The following DTNB variants were observed in gnomAD, a reference collection of about 807,000 sequenced individuals.
DTNB encodes DTN-B.
A neutral mutation model predicts 90.7 loss-of-function variants in DTNB; 63 were observed. The ratio of observed to expected loss-of-function variants is 0.69; its 90% CI spans 0.57 to 0.86. DTNB has a LOEUF of 0.86. DTNB is among the 40% of genes least tolerant of loss of function. DTNB has a pLI of 0.00. For synonymous variants in DTNB, 277 were observed against 286.7 expected (o/e 0.97, Z 0.34); for missense variants, 744 against 807.1 (o/e 0.92, Z 0.95).
At chr2:25,567,158 TAAA>T (rs964867407) in intron 8 of DTNB, among the ~76,000 whole-genome samples, 9 of 151,740 alleles carry the variant, frequency 5.9e-5, no homozygotes, top group Non-Finnish European at 1.5e-5. Flanking sequence ...TCTTATAAGT[TAAA>T]AAAAAATTGT....
At chr2:25,629,259 A>C (rs2075157597) in intron 3 of DTNB, among the ~76,000 whole-genome samples, 1 of 152,232 alleles carries the variant, frequency 6.6e-6, no homozygotes, top group African/African-American at 2.4e-5. Flanking sequence ...AAGGTTCAAT[A>C]AAGACATTTT....
chr2:25,508,833 C>T (rs2073214690), intron 9 of DTNB, among the ~76,000 whole-genome samples: 1 of 152,154 alleles, frequency 6.6e-6, no homozygotes, highest in Admixed American at 6.5e-5. Flanking sequence ...TGCACCCGGC[C>T]CTAAAATTTC....
intron 10 of DTNB, among the ~76,000 whole-genome samples, chr2:25,468,623 C>T (rs78853597): frequency 0.078 from 11,808 of 152,154 alleles, 655 homozygotes; most frequent in Non-Finnish European, 0.12. Context: ...CCAGGAGTAA[C>T]AAGTTAAATC....
Position 25,434,009 on chromosome 2 carries a change from G to A in DTNB, c.1258-14C>T. On this transcript the variant is annotated splice_polypyrimidine_tract_variant and intron_variant, in intron 12 of 20. Transcript: ENST00000406818. ...GGGAGGACGAGTCTAAAGTGGGGAA[G>A]TCGGGAGAAAGTTTTTTTTTTTCTG... 6.3e-7 allele frequency: 1 copy of A among 1,593,662 alleles called. No homozygotes were observed. Among genetic ancestry groups the A allele is most frequent in the Non-Finnish European group, 8.5e-7 (1 of 1,175,298 alleles).
At chr2:25,397,097 G>A (rs2042569909) in intron 16 of DTNB, among the ~76,000 whole-genome samples, 1 of 151,494 alleles carries the variant, frequency 6.6e-6, no homozygotes, top group Non-Finnish European at 1.5e-5. Context: ...GGACAGACTG[G>A]CAGCAATTCC....
At chr2:25,428,819 T>C (rs1422478498) in intron 14 of DTNB, among the ~76,000 whole-genome samples, 2 of 152,178 alleles carry the variant, frequency 1.3e-5, no homozygotes, top group African/African-American at 4.8e-5. Flanking sequence ...TTACCAAATA[T>C]GCAACCTTAG....
chr2:25,382,649 C>G (rs2038183083), intron 19 of DTNB, among the ~76,000 whole-genome samples: 1 of 151,086 alleles, frequency 6.6e-6, no homozygotes, highest in Admixed American at 6.6e-5. Flanking sequence ...CTGCTTCAGC[C>G]TCCCGAGTAG....
intron 8 of DTNB, among the ~76,000 whole-genome samples, chr2:25,566,383 G>A (rs2059039970): frequency 6.6e-6 from 1 of 152,196 alleles, no homozygotes; most frequent in Non-Finnish European, 1.5e-5. Context: ...TTTCAGCTCA[G>A]TGACACCTGG....
intron 10 of DTNB, among the ~76,000 whole-genome samples, chr2:25,469,462 T>C (rs1221427349): frequency 6.6e-6 from 1 of 152,128 alleles, no homozygotes; most frequent in Non-Finnish European, 1.5e-5. Flanking sequence ...CTTACTTATT[T>C]GAGATGGAGT....
Position 25,438,942 on chromosome 2 carries a change from TAC to T in DTNB, c.1258-4949_1258-4948del, listed in dbSNP as rs137945923. 7.8e-3 allele frequency among the ~76,000 whole-genome samples: 1,191 copies of T among 152,220 alleles called. 16 individuals carry two copies. The highest frequency in any genetic ancestry group is 0.028 in the African/African-American group (1,148 of 41,522). On this transcript the variant is annotated intron_variant, in intron 12 of 20. Transcript: ENST00000406818. ...ATCAAGAGATAAACATCGGACAAAT[TAC>T]AGTTATTAGACAGTCTATATCTGAC...
In DTNB at chr2:25,580,773, G is replaced by C. The variant is rs948776038; in HGVS notation, c.657C>G (p.Pro219=). 1 of 1,613,454 alleles carries C rather than the reference G, an allele frequency of 6.2e-7. No individual in the cohort carries two copies. The highest frequency in any genetic ancestry group is 1.3e-5 in the African/African-American group (1 of 74,886). Residue 219 remains proline (P), a synonymous_variant, in exon 7 of 21, where the codon CCC becomes CCG. Transcript: ENST00000406818. ...TGAGAGGTAGCCAGACAAGGCACTG[G>C]GGAGGAGGGTCAGCCATCATTGTGT... ...FLDTMMADPP[P]QCLVWLPLMH...
intron 16 of DTNB, among the ~76,000 whole-genome samples, chr2:25,406,331 T>C (rs1368995048): frequency 1.3e-5 from 2 of 151,968 alleles, no homozygotes; most frequent in Non-Finnish European, 2.9e-5. Flanking sequence ...CTAAACATCC[T>C]TAACAGCCTG....
intron 1 of DTNB, among the ~76,000 whole-genome samples, chr2:25,663,225 C>T (rs1015184800): frequency 2.6e-5 from 4 of 152,178 alleles, no homozygotes; most frequent in African/African-American, 9.6e-5. Flanking sequence ...ATCCATGTCC[C>T]TGCAAGGACA....
At chr2:25,381,091 T>TGGGGAAGGGAGGGGCA (rs1456794870) in intron 19 of DTNB, among the ~76,000 whole-genome samples, 2 of 152,168 alleles carry the variant, frequency 1.3e-5, no homozygotes, top group Non-Finnish European at 2.9e-5. Context: ...AAAAAGCTAC[T>TGGGGAAGGGAGGGGCA]GGGGAAGGGA....
intron 16 of DTNB, among the ~76,000 whole-genome samples, chr2:25,416,409 C>A (rs146993234): frequency 6.6e-6 from 1 of 152,242 alleles, no homozygotes; most frequent in African/African-American, 2.4e-5. Context: ...TGATGGCTCA[C>A]GCCTGTAATC....
intron 16 of DTNB, among the ~76,000 whole-genome samples, chr2:25,402,232 G>C (rs768211181): frequency 9.9e-5 from 15 of 152,188 alleles, no homozygotes; most frequent in Non-Finnish European, 2.1e-4. Context: ...TGCTGTGAGA[G>C]TTGGAAATAA....
chr2:25,495,710 T>G (rs578124418), intron 9 of DTNB, among the ~76,000 whole-genome samples: 29 of 152,300 alleles, frequency 1.9e-4, no homozygotes, highest in Non-Finnish European at 3.7e-4. Context: ...TATGGTTATC[T>G]GCCAAAGCAA....
intron 9 of DTNB, among the ~76,000 whole-genome samples, chr2:25,498,107 C>T (rs1266063686): frequency 1.3e-5 from 2 of 152,146 alleles, no homozygotes; most frequent in Admixed American, 6.6e-5. Context: ...CTCCCCCTTC[C>T]TACACTGTTC....
intron 14 of DTNB, 23 bp downstream of exon 14, chr2:25,432,863 A>C: frequency 6.4e-7 from 1 of 1,573,134 alleles, no homozygotes; most frequent in Non-Finnish European, 8.6e-7. Context: ...ACATGTGGCA[A>C]GTGGTAGAGT....
Sources: allele counts gnomAD v4.1 joint callset (sites outside exome capture counted in the v4.1 genomes callset), GRCh38; gene constraint gnomAD v4.1.1; transcripts MANE v1.5; gene names NCBI Gene and HGNC (gene_info 2026-07-23, HGNC 2026-07-21).